Variants in COL14A1 observed in about 807,000 individuals in gnomAD.
COL14A1 encodes the protein collagen alpha-1(XIV) chain.
Under a neutral mutation model 230.3 loss-of-function variants are expected in COL14A1, and 136 were observed. That is an observed-to-expected ratio of 0.59 (90% CI 0.51 to 0.68). COL14A1 has a LOEUF of 0.68. Among genes scored for constraint, COL14A1 ranks in the 30% least tolerant of loss-of-function variants. COL14A1 has a pLI of 0.00. For missense variants in COL14A1, 1,976 were observed against 2,215.8 expected, an observed-to-expected ratio of 0.89 and a Z score of 2.17; for synonymous variants, 792 against 784.1, an observed-to-expected ratio of 1.01 and a Z score of -0.17.
intron 14 of COL14A1, among the ~76,000 whole-genome samples, chr8:120,224,696 T>A (rs1818040473): frequency 6.6e-6 from 1 of 152,246 alleles, no homozygotes; most frequent in Non-Finnish European, 1.5e-5. Context: ...CCAGCATCAT[T>A]GCTCACCTGT....
chr8:120,154,396 A>G (rs1411527509), intron 2 of COL14A1, among the ~76,000 whole-genome samples: 3 of 152,160 alleles, frequency 2.0e-5, no homozygotes, highest in Admixed American at 2.0e-4. Context: ...CTTTGAGCTT[A>G]AAGAAAATCT....
At position 120,371,208 on chromosome 8, in the gene COL14A1, G is replaced by A. The variant is rs776652145; in HGVS notation, c.5368G>A (p.Glu1790Lys). 1 of 1,611,604 alleles carries A rather than the reference G, an allele frequency of 6.2e-7. No individual in the cohort carries two copies. The highest frequency in any genetic ancestry group is 1.1e-5 in the South Asian group (1 of 90,740). Residue 1790 changes from glutamate (E) to lysine (K), a missense_variant, in exon 48 of 48, where the codon GAA becomes AAA. Coordinates refer to ENST00000297848, the MANE Select transcript of COL14A1 (RefSeq NM_021110.4). ...TGTCCAAGATGAGCTGGAAGCCATG[G>A]AACTGTGGGGCCCTGGAGTCTGATA... ...TPVQDELEAMELWGPGV is the reference protein window; with the variant it reads ...TPVQDELEAMKLWGPGV
intron 45 of COL14A1, among the ~76,000 whole-genome samples, chr8:120,362,587 T>G (rs1823256286): frequency 6.6e-6 from 1 of 152,136 alleles, no homozygotes; most frequent in South Asian, 2.1e-4. Flanking sequence ...TGAGGGAGAA[T>G]CAGGCAACCT....
At chr8:120,200,718 TATATATATATATATA>T (rs1817213790) in intron 8 of COL14A1, among the ~76,000 whole-genome samples, 7 of 5,378 alleles carry the variant, frequency 1.3e-3, no homozygotes, top group African/African-American at 3.4e-3. Flanking sequence ...TTCCTATTTA[TATATATATATATATA>T]TATATATATA....
chr8:120,336,767 T>C (rs1193151498), intron 42 of COL14A1, among the ~76,000 whole-genome samples: 1 of 152,180 alleles, frequency 6.6e-6, no homozygotes, highest in African/African-American at 2.4e-5. Flanking sequence ...GTTCCTGAAA[T>C]ATATGCCATA....
rs188668224 is a variant in COL14A1, at chr8:120,242,850, C to A, written c.2350-1029C>A. On this transcript the variant is annotated intron_variant, in intron 19 of 47. Coordinates refer to ENST00000297848, the MANE Select transcript of COL14A1 (RefSeq NM_021110.4). Reference sequence around the variant, plus strand: ...GCAACAGCTGCTTCTGGGTTCAACTCGAGGCTTTCTAGGGCTTATTCCATG... The same window carrying A: ...GCAACAGCTGCTTCTGGGTTCAACTAGAGGCTTTCTAGGGCTTATTCCATG... Among the ~76,000 whole-genome samples, 3 of 152,272 alleles carry A rather than the reference C, an allele frequency of 2.0e-5. No homozygotes were observed. In the South Asian group the frequency reaches 6.2e-4, roughly 32 times the overall value.
chr8:120,170,616 C>T (rs1376066224), intron 5 of COL14A1, among the ~76,000 whole-genome samples: 1 of 151,944 alleles, frequency 6.6e-6, no homozygotes, highest in African/African-American at 2.4e-5. Flanking sequence ...ATTTTAATTT[C>T]CCTCGATGGT....
intron 5 of COL14A1, among the ~76,000 whole-genome samples, chr8:120,183,216 T>C (rs1437661148): frequency 1.3e-5 from 2 of 152,046 alleles, no homozygotes; most frequent in Non-Finnish European, 2.9e-5. Flanking sequence ...CTAATTGTAT[T>C]GGGAGGAAGT....
intron 8 of COL14A1, among the ~76,000 whole-genome samples, chr8:120,200,715 T>TATATA (rs1817211385): frequency 2.3e-5 from 2 of 85,744 alleles, no homozygotes; most frequent in Non-Finnish European, 4.9e-5. Context: ...GTTTTCCTAT[T>TATATA]TATATATATA....
chr8:120,214,588 T>A (rs746119950), intron 13 of COL14A1, among the ~76,000 whole-genome samples: 3 of 152,208 alleles, frequency 2.0e-5, no homozygotes, highest in Non-Finnish European at 4.4e-5. Context: ...AGATGTTTAT[T>A]TTTATTTGTC....
intron 5 of COL14A1, among the ~76,000 whole-genome samples, chr8:120,184,241 A>ATTTG (rs1816574055): frequency 6.8e-6 from 1 of 147,752 alleles, no homozygotes; most frequent in Non-Finnish European, 1.5e-5. Flanking sequence ...TTATTTATTT[A>ATTTG]TTTATTTATT....
chr8:120,345,585 A>G (rs1484763910), intron 45 of COL14A1, 22 bp downstream of exon 45: 2 of 1,502,852 alleles, frequency 1.3e-6, no homozygotes, highest in Non-Finnish European at 1.8e-6. Context: ...CCCTTCTCTC[A>G]GAGGAACTCC....
chr8:120,252,428 T>C (rs1289483828), intron 22 of COL14A1, among the ~76,000 whole-genome samples: 1 of 152,168 alleles, frequency 6.6e-6, no homozygotes, highest in Non-Finnish European at 1.5e-5. Flanking sequence ...AAAGACAACA[T>C]ATAAATGACC....
chr8:120,213,371 TA>T (rs1817665645), intron 13 of COL14A1, among the ~76,000 whole-genome samples: 2 of 152,202 alleles, frequency 1.3e-5, no homozygotes. Context: ...ACTCTTCTCC[TA>T]GACTCGGGAG....
At chr8:120,266,167 G>T (rs992016184) in intron 24 of COL14A1, among the ~76,000 whole-genome samples, 2 of 152,024 alleles carry the variant, frequency 1.3e-5, no homozygotes, top group African/African-American at 2.4e-5. Flanking sequence ...TGCCACATGA[G>T]CTGGAATGAG....
At chr8:120,358,563 C>T (rs1388468156) in intron 45 of COL14A1, among the ~76,000 whole-genome samples, 1 of 151,614 alleles carries the variant, frequency 6.6e-6, no homozygotes, top group African/African-American at 2.4e-5. Context: ...GCCACGTGAA[C>T]AATGTAAGCA....
intron 40 of COL14A1, among the ~76,000 whole-genome samples, chr8:120,317,268 T>TAGC (rs1319860304): frequency 6.6e-6 from 1 of 152,218 alleles, no homozygotes; most frequent in East Asian, 1.9e-4. Context: ...TAGCTCAGGG[T>TAGC]AGCTATACTG....
intron 36 of COL14A1, among the ~76,000 whole-genome samples, chr8:120,305,270 G>A (rs547570398): frequency 3.3e-5 from 5 of 152,170 alleles, no homozygotes; most frequent in Non-Finnish European, 5.9e-5. Flanking sequence ...GTGAGCCACC[G>A]CACCTGGCCA....
chr8:120,162,756 C>T (rs1815726863), intron 4 of COL14A1, among the ~76,000 whole-genome samples, 187 bp downstream of exon 4: 1 of 152,138 alleles, frequency 6.6e-6, no homozygotes, highest in African/African-American at 2.4e-5. Context: ...TTCCCTTTCC[C>T]CCATTTTGCT....
Sources: gnomAD v4.1 joint callset for allele counts (sites outside exome capture counted in the v4.1 genomes callset) on GRCh38, gnomAD v4.1.1 for gene constraint, MANE v1.5 for transcripts, NCBI Gene and HGNC (gene_info 2026-07-23, HGNC 2026-07-21) for gene names.